Variants in MBNL1 observed in about 807,000 individuals in gnomAD.
The protein encoded by MBNL1 is muscleblind like splicing regulator 1, also known as muscleblind-like protein 1.
Under a neutral mutation model 42.2 loss-of-function variants are expected in MBNL1, and 8 were observed. The ratio of observed to expected loss-of-function variants is 0.19; its 90% CI spans 0.11 to 0.34. MBNL1 has a LOEUF of 0.34. Ranked by LOEUF, MBNL1 falls within the 10% of genes least tolerant of loss-of-function variation. The probability of loss-of-function intolerance (pLI) is 1.00; values close to 1 mark genes in which losing one functional copy is unlikely to be tolerated. For synonymous variants in MBNL1, 169 were observed against 173.9 expected, an observed-to-expected ratio of 0.97 and a Z score of 0.22; for missense variants, 309 against 495.3, an observed-to-expected ratio of 0.62 and a Z score of 3.57.
intron 6 of MBNL1, among the ~76,000 whole-genome samples, chr3:152,453,843 G>A (rs1484408715): frequency 6.6e-6 from 1 of 152,012 alleles, no homozygotes; most frequent in African/African-American, 2.4e-5. Context: ...ATTATGCATG[G>A]GATGAAATAC....
chr3:152,444,441 CA>C (rs530649537), intron 4 of MBNL1, among the ~76,000 whole-genome samples: 3 of 151,902 alleles, frequency 2.0e-5, no homozygotes, highest in South Asian at 2.1e-4. Flanking sequence ...CTCTAAAGAT[CA>C]AAAAAATAAC....
intron 2 of MBNL1, among the ~76,000 whole-genome samples, chr3:152,321,275 A>G (rs144495467): frequency 1.3e-5 from 2 of 152,262 alleles, no homozygotes; most frequent in East Asian, 1.9e-4. Flanking sequence ...AGAATAGAGT[A>G]ATTATGTAGC....
intron 2 of MBNL1, among the ~76,000 whole-genome samples, chr3:152,329,653 A>G (rs1206803087): frequency 7.3e-6 from 1 of 137,848 alleles, no homozygotes; most frequent in African/African-American, 2.7e-5. Flanking sequence ...GTCTCAAGAA[A>G]TATACATATA....
At chr3:152,433,079 G>T (rs1382094072) in intron 4 of MBNL1, among the ~76,000 whole-genome samples, 159 bp downstream of exon 4, 1 of 152,184 alleles carries the variant, frequency 6.6e-6, no homozygotes, top group African/African-American at 2.4e-5. Flanking sequence ...AGATAATGCT[G>T]TATTTGATTA....
chr3:152,284,843 C>T (rs1046312745), intron 1 of MBNL1, among the ~76,000 whole-genome samples: 18 of 152,138 alleles, frequency 1.2e-4, no homozygotes, highest in East Asian at 9.7e-4. Context: ...TCCTGTTGCT[C>T]GGAGGGCTGA....
At chr3:152,283,060 A>G (rs2049411732) in intron 1 of MBNL1, among the ~76,000 whole-genome samples, 1 of 152,230 alleles carries the variant, frequency 6.6e-6, no homozygotes, top group Non-Finnish European at 1.5e-5. Context: ...TGATAGGAGC[A>G]CAGATTCACA....
intron 1 of MBNL1, among the ~76,000 whole-genome samples, chr3:152,280,635 G>A (rs1003867422): frequency 3.3e-5 from 5 of 152,120 alleles, no homozygotes; most frequent in African/African-American, 4.8e-5. Context: ...AGAGAGGTGC[G>A]TTGTATTTAA....
At chr3:152,322,053 A>G (rs981839037) in intron 2 of MBNL1, among the ~76,000 whole-genome samples, 5 of 80,966 alleles carry the variant, frequency 6.2e-5, no homozygotes, top group African/African-American at 2.8e-4. Flanking sequence ...TTTAAAAAAT[A>G]ATGAAAACAG....
At chr3:152,407,253 C>A in intron 2 of MBNL1, among the ~76,000 whole-genome samples, 1 of 99,786 alleles carries the variant, frequency 1.0e-5, no homozygotes, top group Non-Finnish European at 1.9e-5. Flanking sequence ...TTCACTGGTA[C>A]GAAAAAAATC....
chr3:152,313,969 T>G (rs2068751585), intron 2 of MBNL1, among the ~76,000 whole-genome samples: 1 of 152,232 alleles, frequency 6.6e-6, no homozygotes, highest in Non-Finnish European at 1.5e-5. Context: ...TTAGCAAATC[T>G]AAATTCATTT....
intron 2 of MBNL1, among the ~76,000 whole-genome samples, chr3:152,410,738 A>C (rs1307305311): frequency 1.3e-5 from 2 of 152,262 alleles, no homozygotes; most frequent in African/African-American, 4.8e-5. Context: ...CAGTGTAATC[A>C]ACAAAAGCAA....
At chr3:152,326,891 C>A (rs5026855) in intron 2 of MBNL1, among the ~76,000 whole-genome samples, 10,770 of 151,776 alleles carry the variant, frequency 0.071, 505 homozygotes, top group Middle Eastern at 0.16. Context: ...CAACGTCTGC[C>A]TCCTGGGTTC....
chr3:152,430,441 TGTC>T (rs2098991545), intron 3 of MBNL1, among the ~76,000 whole-genome samples: 1 of 152,220 alleles, frequency 6.6e-6, no homozygotes, highest in African/African-American at 2.4e-5. Context: ...TAGCTTCTGT[TGTC>T]CATTTGCTAA....
intron 2 of MBNL1, among the ~76,000 whole-genome samples, chr3:152,341,574 G>T (rs1002840389): frequency 6.6e-6 from 1 of 152,112 alleles, no homozygotes; most frequent in Non-Finnish European, 1.5e-5. Flanking sequence ...AATTCCCATT[G>T]TTTCCTCTCT....
intron 2 of MBNL1, among the ~76,000 whole-genome samples, chr3:152,324,994 A>G (rs1476033361): frequency 6.9e-6 from 1 of 145,350 alleles, no homozygotes; most frequent in African/African-American, 2.6e-5. Flanking sequence ...TGGGTCATCT[A>G]CTGAGACTCA....
At chr3:152,433,020 A>C in intron 4 of MBNL1, 100 bp downstream of exon 4, 1 of 1,073,440 alleles carries the variant, frequency 9.3e-7, no homozygotes, top group Non-Finnish European at 1.4e-6. Context: ...AGTTGTAAAA[A>C]TTTTAAAACA....
At chr3:152,361,766 T>C (rs2095977592) in intron 2 of MBNL1, among the ~76,000 whole-genome samples, 1 of 152,144 alleles carries the variant, frequency 6.6e-6, no homozygotes, top group African/African-American at 2.4e-5. Context: ...TTAATTTAGG[T>C]AGATTAAATC....
At chr3:152,399,713 G>A (rs2098133201) in intron 2 of MBNL1, among the ~76,000 whole-genome samples, 1 of 151,856 alleles carries the variant, frequency 6.6e-6, no homozygotes, top group Non-Finnish European at 1.5e-5. Flanking sequence ...ATGTAGCCTA[G>A]GCTAGTCTCA....
At chr3:152,394,725 A>G (rs1300604629) in intron 2 of MBNL1, among the ~76,000 whole-genome samples, 4 of 152,260 alleles carry the variant, frequency 2.6e-5, no homozygotes, top group East Asian at 1.9e-4. Context: ...GACAAGTACT[A>G]TACAGAAAAT....
Sources: allele counts gnomAD v4.1 joint callset (sites outside exome capture counted in the v4.1 genomes callset), GRCh38; gene constraint gnomAD v4.1.1; transcripts MANE v1.5; gene names NCBI Gene and HGNC (gene_info 2026-07-23, HGNC 2026-07-21).